DNAH17: variants seen among roughly 807,000 people sequenced by gnomAD.
The protein encoded by DNAH17 is dynein axonemal heavy chain 17, also known as axonemal beta dynein heavy chain 17.
A neutral mutation model predicts 485.6 loss-of-function variants in DNAH17; 376 were observed. That is an observed-to-expected ratio of 0.77 (90% confidence interval 0.71 to 0.84). The LOEUF is 0.84. DNAH17 is among the 40% of genes least tolerant of loss of function. DNAH17 has a pLI of 0.00. For missense variants in DNAH17, 6,370 were observed against 5,839.3 expected, an observed-to-expected ratio of 1.09 and a Z score of -2.96; for synonymous variants, 3,031 against 2,405.9, an observed-to-expected ratio of 1.26 and a Z score of -7.60.
intron 14 of DNAH17, among the ~76,000 whole-genome samples, chr17:78,554,237 C>T (rs1277990957): frequency 6.6e-6 from 1 of 151,926 alleles, no homozygotes; most frequent in East Asian, 1.9e-4. Flanking sequence ...GTCAGGAGTT[C>T]AAGACCAGCC....
chr17:78,499,037 C>T lies in DNAH17; in HGVS notation c.5716G>A (p.Val1906Met). The T allele has an allele frequency of 6.2e-7, 1 of 1,611,088 alleles. No homozygotes were observed. Among genetic ancestry groups the T allele is most frequent in the Non-Finnish European group, 8.5e-7 (1 of 1,178,594 alleles). ...ACGGCAATCACAGACAAGACTTCCA[C>T]TGAGATGCGATTAAACTCGTCAAAG... ...GCFDEFNRIS[V>M]EVLSVIAVQV... The change falls in exon 37 of 81, where the codon GTG becomes ATG. Residue 1906 changes from valine (V) to methionine (M), a missense_variant. Transcript: ENST00000389840.
intron 11 of DNAH17, among the ~76,000 whole-genome samples, chr17:78,563,052 G>A (rs762088896): frequency 6.6e-6 from 1 of 152,190 alleles, no homozygotes; most frequent in Admixed American, 6.5e-5. Flanking sequence ...CCCTAGAAAT[G>A]GCCACAGGAG....
At chr17:78,464,449 T>C (rs1771676069) in intron 56 of DNAH17, among the ~76,000 whole-genome samples, 1 of 152,146 alleles carries the variant, frequency 6.6e-6, no homozygotes, top group Non-Finnish European at 1.5e-5. Flanking sequence ...TTGGTAGAGA[T>C]GGGGTTTCAC....
At chr17:78,501,463 TC>T (rs749498836) in intron 34 of DNAH17, 119 bp from the exon 35 acceptor site, 243 of 1,257,166 alleles carry the variant, frequency 1.9e-4, no homozygotes, top group Middle Eastern at 2.8e-4. Flanking sequence ...TCCCTGGCCC[TC>T]TTTCCCCCTC....
rs747437076 is a variant in DNAH17 at position 78,570,248 on chromosome 17, A to G, written c.1043T>C (p.Met348Thr). 5.1e-6 allele frequency: 8 copies of G among 1,582,108 alleles called. 1 individual carries two copies. The South Asian group carries it at 8.1e-5, about 16-fold the overall frequency. ...LQEFCNQIIEMTRTFLSPEEV... is the reference protein window; with the variant it reads ...LQEFCNQIIETTRTFLSPEEV... Reference sequence around the variant, plus strand: ...ACCCAGGGGCCAGGGGAGGGTTACCATCTCGATGATTTGGTTGCAGAACTC... The same window carrying G: ...ACCCAGGGGCCAGGGGAGGGTTACCGTCTCGATGATTTGGTTGCAGAACTC... Residue 348 changes from methionine to threonine, a missense_variant and splice_region_variant, in exon 7 of 81, where the codon ATG becomes ACG. By Grantham distance (81) the Met-to-Thr change is moderately conservative (BLOSUM62 -1). Transcript: ENST00000389840.
chr17:78,535,317 G>C (rs2091346239), intron 19 of DNAH17, among the ~76,000 whole-genome samples: 1 of 152,150 alleles, frequency 6.6e-6, no homozygotes, highest in South Asian at 2.1e-4. Context: ...CTTGCTGCTT[G>C]CACTTGGGCC....
In DNAH17 at chr17:78,426,527, C is replaced by G. The variant is rs774141570; in HGVS notation, c.12845G>C (p.Trp4282Ser). 1.1e-5 allele frequency: 18 copies of G among 1,613,772 alleles called. No individual in the cohort carries two copies. In the East Asian group the frequency reaches 3.6e-4, roughly 32 times the overall value. The change falls in exon 79 of 81, where the codon TGG (tryptophan) becomes TCG (serine). Residue 4282 changes from tryptophan to serine, a missense_variant. By Grantham distance (177) the Trp-to-Ser change is radical. Transcript: ENST00000389840. ...CATGGAGGGGTAGGCCCGGGCCACCCACGTATCAGGCACGGTGTCATAGAA... is the reference window on the plus strand; with the variant it reads ...CATGGAGGGGTAGGCCCGGGCCACCGACGTATCAGGCACGGTGTCATAGAA... ...ALFYDTVPDT[W>S]VARAYPSMMG...
intron 31 of DNAH17, among the ~76,000 whole-genome samples, chr17:78,504,650 G>C (rs1452284641): frequency 6.6e-6 from 1 of 152,072 alleles, no homozygotes; most frequent in Non-Finnish European, 1.5e-5. Flanking sequence ...TTGATCAATA[G>C]TTGGGTAATG....
intron 71 of DNAH17, among the ~76,000 whole-genome samples, chr17:78,443,951 GA>G (rs1247272168): frequency 1.3e-5 from 2 of 152,192 alleles, no homozygotes; most frequent in Non-Finnish European, 2.9e-5. Context: ...GTGCTCTGAG[GA>G]CAGACCCCAG....
At chr17:78,439,484 C>T (rs993029741) in intron 72 of DNAH17, among the ~76,000 whole-genome samples, 7 of 152,016 alleles carry the variant, frequency 4.6e-5, no homozygotes, top group East Asian at 1.9e-4. Flanking sequence ...ATTAGGCAGT[C>T]GCTCCCAATC....
chr17:78,428,091 G>A (rs2086540610), intron 77 of DNAH17, among the ~76,000 whole-genome samples: 1 of 152,126 alleles, frequency 6.6e-6, no homozygotes, highest in Non-Finnish European at 1.5e-5. Flanking sequence ...GCAGTAACAG[G>A]ACCTGCCATT....
In DNAH17 at chr17:78,454,122, T is replaced by C. The variant is rs559551001; in HGVS notation, c.10406+348A>G. Among the ~76,000 whole-genome samples, 21 of 152,318 alleles carry C rather than the reference T, an allele frequency of 1.4e-4. No individual in the cohort carries two copies. The South Asian group carries it at 3.7e-3, about 27-fold the overall frequency. ...GGGCATCACTGTACCTGTGTCGTTA[T>C]AGCCATTGTTTCTCAACTGTGATGA... On this transcript the variant is annotated intron_variant, in intron 64 of 80. Coordinates refer to ENST00000389840, the MANE Select transcript of DNAH17 (RefSeq NM_173628.4).
rs1568266143 is a variant in DNAH17 at position 78,566,806 on chromosome 17, C to T, written c.1453-76G>A. The T allele has an allele frequency of 3.7e-6, 5 of 1,347,144 alleles. No individual in the cohort carries two copies. In the South Asian group the frequency reaches 6.4e-5, roughly 17 times the overall value. 83.4% of individuals were successfully genotyped at this position (1,347,144 alleles called of 1,614,324 possible). ...AAGGGCACCCTCTCCAGCCCCTGCC[C>T]TGCTGAGAGGACTCGGGACTGAGGC... On this transcript the variant is annotated intron_variant, in intron 10 of 80. Coordinates refer to ENST00000389840, the MANE Select transcript of DNAH17 (RefSeq NM_173628.4).
At position 78,462,894 on chromosome 17, in the gene DNAH17, T is replaced by C. The variant is rs767659934; in HGVS notation, c.9124A>G (p.Ile3042Val). 6.2e-7 allele frequency: 1 copy of C among 1,613,966 alleles called. No individual in the cohort carries two copies. Among genetic ancestry groups the C allele is most frequent in the South Asian group, 1.1e-5 (1 of 91,070 alleles). The change falls in exon 57 of 81, where the codon ATC becomes GTC. Residue 3042 changes from isoleucine to valine, a missense_variant. Transcript: ENST00000389840. ...AKKRTELVAK[I>V]ERLENGLMKL... ...ATCAGGCCGTTCTCCAGCCTCTCGA[T>C]TTTGGCAACAAGTTCCGTTCTCTTC...
In DNAH17 at chr17:78,491,587, G is replaced by C. The variant is rs576399459; in HGVS notation, c.6542-17C>G. 3.1e-6 allele frequency: 5 copies of C among 1,612,484 alleles called. No individual in the cohort carries two copies. Among genetic ancestry groups the C allele is most frequent in the Non-Finnish European group, 4.2e-6 (5 of 1,179,454 alleles). Reference sequence around the variant, plus strand: ...AGAACAGGCCTGGGGGAGGCGCGTGGTATGACCCCGGGCCCTTCACTCCGG... The same window carrying C: ...AGAACAGGCCTGGGGGAGGCGCGTGCTATGACCCCGGGCCCTTCACTCCGG... On this transcript the variant is annotated splice_polypyrimidine_tract_variant and intron_variant, in intron 42 of 80. Transcript: ENST00000389840.
intron 48 of DNAH17, 114 bp downstream of exon 48, chr17:78,484,754 C>T (rs1398028424): frequency 1.6e-6 from 1 of 626,466 alleles, no homozygotes; most frequent in South Asian, 2.6e-5. Flanking sequence ...CCCCACCGCC[C>T]CACACCAGTC....
chr17:78,558,113 T>C lies in DNAH17; in HGVS notation c.2173A>G (p.Asn725Asp). ...GTACCGACTCACCAACTCACCTCAT[T>C]ATACCAGCCAACGATGAGCTCCAGG... ...GNLELIVGWY[N>D]EIKTIVKAVE... The change falls in exon 14 of 81, where the codon AAT (asparagine) becomes GAT (aspartate). Residue 725 changes from asparagine (N) to aspartate (D), a missense_variant. Asn to Asp is a conservative substitution (Grantham distance 23, BLOSUM62 1). Transcript: ENST00000389840. The C allele has an allele frequency of 6.2e-7, 1 of 1,613,386 alleles. No homozygotes were observed. The highest frequency in any genetic ancestry group is 1.1e-5 in the South Asian group (1 of 90,902).
At position 78,463,025 on chromosome 17, in the gene DNAH17, A is replaced by G. The variant is rs1428456941; in HGVS notation, c.8993T>C (p.Val2998Ala). Reference protein sequence around the residue: ...SFFMSYVHTTVNEMSRVYLAT... With the variant: ...SFFMSYVHTTANEMSRVYLAT... ...CAGGTATACCCTGGACATCTCGTTGACGGTGGTGTGCACGTAGGACATGAA... is the reference window on the plus strand; with the variant it reads ...CAGGTATACCCTGGACATCTCGTTGGCGGTGGTGTGCACGTAGGACATGAA... The change falls in exon 57 of 81, where the codon GTC (valine) becomes GCC (alanine). Residue 2998 changes from valine to alanine, a missense_variant. Val to Ala is a moderately conservative substitution (Grantham distance 64). Coordinates refer to ENST00000389840, the MANE Select transcript of DNAH17 (RefSeq NM_173628.4). 1 of 1,613,908 alleles carries G rather than the reference A, an allele frequency of 6.2e-7. No homozygotes were observed. The highest frequency in any genetic ancestry group is 8.5e-7 in the Non-Finnish European group (1 of 1,179,886).
At chr17:78,496,110 A>T in intron 37 of DNAH17, 78 bp from the exon 38 acceptor site, 1 of 1,482,250 alleles carries the variant, frequency 6.7e-7, no homozygotes, top group East Asian at 2.4e-5. Flanking sequence ...CACATATGTT[A>T]AAGCATGAGG....
Sources: allele counts gnomAD v4.1 joint callset (sites outside exome capture counted in the v4.1 genomes callset), GRCh38; gene constraint gnomAD v4.1.1; transcripts MANE v1.5; gene names NCBI Gene and HGNC (gene_info 2026-07-23, HGNC 2026-07-21).